The following TFPI variants were observed in gnomAD, a reference collection of about 807,000 sequenced individuals.
TFPI encodes tissue factor pathway inhibitor.
In TFPI, 15 loss-of-function variants were observed where a neutral mutation model predicts 34.6. That is an observed-to-expected ratio of 0.43 (90% CI 0.29 to 0.67). The LOEUF (loss-of-function observed/expected upper bound fraction) is 0.67. Ranked by LOEUF, TFPI falls within the 30% of genes least tolerant of loss-of-function variation. The pLI is 0.15. For synonymous variants in TFPI, 105 were observed against 120.1 expected (o/e 0.87, Z 0.82); for missense variants, 301 against 364.0 (o/e 0.83, Z 1.41).
chr2:187,483,941 AT>A, intron 6 of TFPI, 182 bp downstream of exon 6: 1 of 563,392 alleles, frequency 1.8e-6, no homozygotes. Context: ...GATTAGGAAA[AT>A]TGTTGCTTTT....
intron 1 of TFPI, among the ~76,000 whole-genome samples, chr2:187,509,156 G>A (rs998823226): frequency 5.3e-5 from 8 of 152,132 alleles, no homozygotes; most frequent in Admixed American, 2.0e-4. Flanking sequence ...CGACTTGATC[G>A]TGGTGGATAA....
chr2:187,503,137 A>T (rs1685961656), intron 2 of TFPI, among the ~76,000 whole-genome samples: 2 of 151,948 alleles, frequency 1.3e-5, no homozygotes, highest in South Asian at 4.2e-4. Context: ...ATGGGATTAG[A>T]TCTAACTTAT....
At chr2:187,478,510 C>T in intron 6 of TFPI, 1 of 1,063,340 alleles carries the variant, frequency 9.4e-7, no homozygotes, top group Non-Finnish European at 1.3e-6. Flanking sequence ...CTAGCACGAA[C>T]TCCTGAGAAT....
intron 1 of TFPI, among the ~76,000 whole-genome samples, chr2:187,510,410 C>T (rs1008192077): frequency 2.0e-5 from 3 of 152,116 alleles, no homozygotes; most frequent in Admixed American, 2.0e-4. Context: ...AGTAAAAGCC[C>T]CTTGTGTTAA....
chr2:187,478,502 A>G (rs1692547690), intron 6 of TFPI: 2 of 982,960 alleles, frequency 2.0e-6, no homozygotes, highest in Non-Finnish European at 2.7e-6. Flanking sequence ...ACTCACAACT[A>G]GCACGAACTC....
At chr2:187,501,139 C>T (rs1685822715) in intron 2 of TFPI, among the ~76,000 whole-genome samples, 2 of 151,990 alleles carry the variant, frequency 1.3e-5, no homozygotes, top group Non-Finnish European at 2.9e-5. Flanking sequence ...TATCTGCCAG[C>T]GGCCATGAGA....
intron 1 of TFPI, chr2:187,513,785 C>A (rs1483897376): frequency 6.6e-6 from 1 of 152,330 alleles, no homozygotes. Flanking sequence ...TATTCTATTA[C>A]TCTTTCTTCT....
chr2:187,474,153 A>G (rs1468672351), intron 6 of TFPI, among the ~76,000 whole-genome samples: 2 of 152,192 alleles, frequency 1.3e-5, no homozygotes, highest in East Asian at 1.9e-4. Context: ...ATATCTTATA[A>G]TGCATTAGAA....
chr2:187,502,935 A>G (rs1468456671), intron 2 of TFPI, among the ~76,000 whole-genome samples: 1 of 152,208 alleles, frequency 6.6e-6, no homozygotes, highest in East Asian at 1.9e-4. Context: ...AAACCACTAT[A>G]CAAAAATAAG....
chr2:187,480,577 G>C (rs1692779612), intron 6 of TFPI, among the ~76,000 whole-genome samples: 1 of 152,078 alleles, frequency 6.6e-6, no homozygotes, highest in Non-Finnish European at 1.5e-5. Flanking sequence ...TTTCAATCAT[G>C]GGGGAAATCA....
chr2:187,509,726 C>G (rs1686488531), intron 1 of TFPI, among the ~76,000 whole-genome samples: 1 of 152,014 alleles, frequency 6.6e-6, no homozygotes, highest in Non-Finnish European at 1.5e-5. Flanking sequence ...TATCTATTTG[C>G]TGATCTTTTC....
chr2:187,512,306 T>TAAAAAAAA (rs1686698142), intron 1 of TFPI, among the ~76,000 whole-genome samples: 1 of 143,630 alleles, frequency 7.0e-6, no homozygotes, highest in East Asian at 2.0e-4. Context: ...GACAAAAAGG[T>TAAAAAAAA]AGCTTACTAA....
intron 1 of TFPI, among the ~76,000 whole-genome samples, chr2:187,540,110 C>T (rs754084422): frequency 5.3e-5 from 8 of 151,954 alleles, no homozygotes; most frequent in Non-Finnish European, 1.2e-4. Context: ...ACCATGTGGC[C>T]CAGGCTGGTC....
At chr2:187,486,630 CT>C (rs35731428) in intron 4 of TFPI, among the ~76,000 whole-genome samples, 1 of 151,424 alleles carries the variant, frequency 6.6e-6, no homozygotes, top group African/African-American at 2.4e-5. Flanking sequence ...TAAAATAATT[CT>C]TTTTTTGGCC....
chr2:187,521,240 A>G (rs1289912771), intron 1 of TFPI, among the ~76,000 whole-genome samples: 1 of 152,154 alleles, frequency 6.6e-6, no homozygotes, highest in East Asian at 1.9e-4. Context: ...TTTACTTAGT[A>G]TACCATCCAT....
intron 1 of TFPI, among the ~76,000 whole-genome samples, chr2:187,532,865 T>G (rs1425456682): frequency 6.6e-6 from 1 of 152,120 alleles, no homozygotes; most frequent in African/African-American, 2.4e-5. Flanking sequence ...CAGCCTTAAG[T>G]CGACCTGGGA....
At chr2:187,467,254 G>A (rs1384368026) in intron 7 of TFPI, among the ~76,000 whole-genome samples, 4 of 151,832 alleles carry the variant, frequency 2.6e-5, no homozygotes, top group African/African-American at 9.7e-5. Flanking sequence ...TAAGCATGCC[G>A]TTCATTTTTA....
At chr2:187,542,798 T>C (rs1479270076) in intron 1 of TFPI, among the ~76,000 whole-genome samples, 2 of 142,260 alleles carry the variant, frequency 1.4e-5, no homozygotes, top group Non-Finnish European at 3.0e-5. Flanking sequence ...ACCCGGGAGA[T>C]GGAGGCTGCA....
At chr2:187,522,919 TAAATA>T (rs1224765669) in intron 1 of TFPI, among the ~76,000 whole-genome samples, 1 of 150,282 alleles carries the variant, frequency 6.7e-6, no homozygotes, top group African/African-American at 2.4e-5. Context: ...AATAAATAAA[TAAATA>T]AATAAATAAT....
Sources: gnomAD v4.1 joint callset for allele counts (sites outside exome capture counted in the v4.1 genomes callset) on GRCh38, gnomAD v4.1.1 for gene constraint, MANE v1.5 for transcripts, NCBI Gene and HGNC (gene_info 2026-07-23, HGNC 2026-07-21) for gene names.